Variants in LARS2 observed in about 807,000 individuals in gnomAD.
LARS2 encodes leucyl-tRNA synthetase 2, mitochondrial.
LARS2 carries 81 observed loss-of-function variants against 116.6 expected under a neutral mutation model. The ratio of observed to expected loss-of-function variants is 0.69; its 90% CI spans 0.58 to 0.84. LARS2 has a LOEUF of 0.84. Among genes scored for constraint, LARS2 ranks in the 40% least tolerant of loss-of-function variants. The probability of loss-of-function intolerance (pLI) is 0.00; values close to 1 mark genes in which losing one functional copy is unlikely to be tolerated. For missense variants in LARS2, 968 were observed against 1,114.5 expected (o/e 0.87, Z 1.87); for synonymous variants, 396 against 407.2 (o/e 0.97, Z 0.33).
chr3:45,453,839 A>C (rs1013137067), intron 7 of LARS2, among the ~76,000 whole-genome samples: 1 of 152,196 alleles, frequency 6.6e-6, no homozygotes, highest in African/African-American at 2.4e-5. Flanking sequence ...CAGTATATTC[A>C]GAAAAGGTCT....
chr3:45,469,730 A>G (rs1699488879), intron 8 of LARS2, among the ~76,000 whole-genome samples: 1 of 152,116 alleles, frequency 6.6e-6, no homozygotes, highest in African/African-American at 2.4e-5. Flanking sequence ...CCTCCAGCAC[A>G]TTCTAGAGGG....
At chr3:45,433,731 T>A (rs1698758293) in intron 6 of LARS2, among the ~76,000 whole-genome samples, 2 of 152,186 alleles carry the variant, frequency 1.3e-5, no homozygotes, top group African/African-American at 4.8e-5. Flanking sequence ...CTTCTTTTAT[T>A]ATTTTTCTTC....
intron 6 of LARS2, among the ~76,000 whole-genome samples, chr3:45,423,756 A>G (rs1698550476): frequency 6.6e-6 from 1 of 152,182 alleles, no homozygotes; most frequent in Admixed American, 6.5e-5. Context: ...ATTTCTGAAC[A>G]TTTTTAAAAC....
intron 4 of LARS2, among the ~76,000 whole-genome samples, chr3:45,409,889 T>C (rs1401781441): frequency 6.6e-6 from 1 of 152,242 alleles, no homozygotes; most frequent in African/African-American, 2.4e-5. Flanking sequence ...TTAAGAAACT[T>C]TGAGATTTTT....
At chr3:45,393,546 G>C (rs868502451) in intron 2 of LARS2, among the ~76,000 whole-genome samples, 10 of 152,038 alleles carry the variant, frequency 6.6e-5, no homozygotes, top group Admixed American at 2.6e-4. Context: ...TTGCACTTCA[G>C]CCTGGGCAAT....
rs1700100834 is a variant in LARS2, at chr3:45,500,538, C to T, written c.1719C>T (p.Phe573=). ...HAVMHLFYAR[F]FSHFCHDQKM... is the part of the protein sequence containing the mutation. ...TCATGCACTTGTTCTATGCAAGATT[C>T]TTTAGTCATTTTTGCCATGATCAAA... The change falls in exon 15 of 22, where the codon TTC becomes TTT. Residue 573 remains phenylalanine (F), a synonymous_variant. Transcript: ENST00000645846. 6.4e-7 allele frequency: 1 copy of T among 1,570,248 alleles called. No individual in the cohort carries two copies. Among genetic ancestry groups the T allele is most frequent in the Non-Finnish European group, 8.6e-7 (1 of 1,164,290 alleles).
chr3:45,493,182 C>G (rs759794691), intron 13 of LARS2, among the ~76,000 whole-genome samples: 3 of 152,074 alleles, frequency 2.0e-5, no homozygotes, highest in Admixed American at 6.6e-5. Context: ...TCACTGCCAG[C>G]TCCACCTCCC....
intron 6 of LARS2, among the ~76,000 whole-genome samples, chr3:45,438,501 C>T (rs1262649052): frequency 6.6e-6 from 1 of 151,910 alleles, no homozygotes; most frequent in Admixed American, 6.6e-5. Context: ...GTGAGTGCTT[C>T]TTTATATGTG....
chr3:45,544,720 G>A (rs991864954), intron 21 of LARS2, among the ~76,000 whole-genome samples: 25 of 152,316 alleles, frequency 1.6e-4, no homozygotes, highest in African/African-American at 5.8e-4. Context: ...ACTCTGAATG[G>A]TGACTGCTGC....
chr3:45,503,886 C>T (rs1409268686), intron 15 of LARS2, among the ~76,000 whole-genome samples: 4 of 152,054 alleles, frequency 2.6e-5, no homozygotes, highest in Non-Finnish European at 5.9e-5. Context: ...CCCTGCACGC[C>T]ACTCTTTAGC....
At chr3:45,489,707 T>C (rs1699878380) in intron 12 of LARS2, among the ~76,000 whole-genome samples, 1 of 152,226 alleles carries the variant, frequency 6.6e-6, no homozygotes, top group Non-Finnish European at 1.5e-5. Flanking sequence ...TAGAGCACTC[T>C]TAAACTTAAC....
At chr3:45,509,883 C>T (rs1700260729) in intron 15 of LARS2, among the ~76,000 whole-genome samples, 1 of 152,074 alleles carries the variant, frequency 6.6e-6, no homozygotes, top group Non-Finnish European at 1.5e-5. Flanking sequence ...TGGGATCTTT[C>T]AATGCACCCC....
chr3:45,515,055 G>A (rs1700352134), intron 16 of LARS2, among the ~76,000 whole-genome samples: 1 of 152,176 alleles, frequency 6.6e-6, no homozygotes. Flanking sequence ...TCGGTCCCCT[G>A]TTAGCTTGGT....
intron 19 of LARS2, among the ~76,000 whole-genome samples, chr3:45,521,027 A>T (rs1350601755): frequency 6.6e-6 from 1 of 152,154 alleles, no homozygotes; most frequent in African/African-American, 2.4e-5. Flanking sequence ...TAATTAGGCC[A>T]GGCATGGTGG....
chr3:45,400,812 ATTTCT>A (rs1355935909), intron 4 of LARS2, among the ~76,000 whole-genome samples: 1 of 151,758 alleles, frequency 6.6e-6, no homozygotes, highest in Non-Finnish European at 1.5e-5. Context: ...TTGAGCATGT[ATTTCT>A]TTTCTTTTTT....
rs551172418 is a variant in LARS2, at chr3:45,416,838, G to C, written c.364-644G>C. On this transcript the variant is annotated intron_variant, in intron 4 of 21. Transcript: ENST00000645846. ...GCCTGTAATCCCAGCACTTTAGGAG[G>C]CCGATGCGGGCGGATCACGAGGTCA... is the stretch of plus-strand genomic sequence containing the variant. Among the ~76,000 whole-genome samples, 293 of 152,278 alleles carry C rather than the reference G, an allele frequency of 1.9e-3. 1 individual carries two copies. Among genetic ancestry groups the C allele is most frequent in the African/African-American group, 6.8e-3 (282 of 41,568 alleles).
chr3:45,508,698 A>C (rs1700234717), intron 15 of LARS2, among the ~76,000 whole-genome samples: 1 of 152,026 alleles, frequency 6.6e-6, no homozygotes, highest in African/African-American at 2.4e-5. Flanking sequence ...TGGGGCTCTG[A>C]TACATCCTGA....
At position 45,432,973 on chromosome 3, in the gene LARS2, G is replaced by A. The variant is rs547688700; in HGVS notation, c.516+13244G>A. On this transcript the variant is annotated intron_variant, in intron 6 of 21. Transcript: ENST00000645846. ...AGTCTATTTTATGATATTTTACTATGAAGCGTATATGAAATATATTTTACT... is the reference window on the plus strand; with the variant it reads ...AGTCTATTTTATGATATTTTACTATAAAGCGTATATGAAATATATTTTACT... Among the ~76,000 whole-genome samples, 29 of 152,090 alleles carry A rather than the reference G, an allele frequency of 1.9e-4. No homozygotes were observed. The South Asian group carries it at 5.2e-3, about 27-fold the overall frequency.
In LARS2 at chr3:45,394,687, T is replaced by C. The variant is rs1443717296; in HGVS notation, c.234T>C (p.Asp78=). 1.2e-6 allele frequency: 2 copies of C among 1,601,180 alleles called. No individual in the cohort carries two copies. Among genetic ancestry groups the C allele is most frequent in the East Asian group, 2.2e-5 (1 of 44,828 alleles). ...AGGCCTCCAAAATTTCAGAAGCTGATGTGAGTATTCTGAGAGATTCTAAGA... is the reference window on the plus strand; with the variant it reads ...AGGCCTCCAAAATTTCAGAAGCTGACGTGAGTATTCTGAGAGATTCTAAGA... ...KEQASKISEA[D]KSKPKFYVLS... is the part of the protein sequence containing the mutation. The change falls in exon 3 of 22, where the codon GAT becomes GAC. Residue 78 remains aspartate, a splice_region_variant and synonymous_variant. Coordinates refer to ENST00000645846, the MANE Select transcript of LARS2 (RefSeq NM_015340.4).
Sources: gnomAD v4.1 joint callset for allele counts (sites outside exome capture counted in the v4.1 genomes callset) on GRCh38, gnomAD v4.1.1 for gene constraint, MANE v1.5 for transcripts, NCBI Gene and HGNC (gene_info 2026-07-23, HGNC 2026-07-21) for gene names.